Variants in HMCN1 observed in about 807,000 individuals in gnomAD.
HMCN1 encodes the protein hemicentin 1.
A neutral mutation model predicts 625.9 loss-of-function variants in HMCN1; 321 were observed. The observed-to-expected ratio is 0.51, with a 90% CI of 0.47 to 0.56. The LOEUF is 0.56. Ranked by LOEUF, HMCN1 falls within the 20% of genes least tolerant of loss-of-function variation. The probability of loss-of-function intolerance (pLI) is 0.00; values close to 1 mark genes in which losing one functional copy is unlikely to be tolerated. For synonymous variants in HMCN1, 2,425 were observed against 2,417.6 expected (o/e 1.00, Z -0.09); for missense variants, 6,588 against 6,887.3 (o/e 0.96, Z 1.54).
rs1461444446 is a variant in HMCN1, at chr1:186,055,540, A to G, written c.7010A>G (p.Lys2337Arg). ...MKDGHPLIKA[K>R]GVEILDEGHI... ...GATGGCCACCCCTTGATCAAGGCAA[A>G]GGGAGTAGAAATACTGGATGAAGGT... The change falls in exon 45 of 107, where the codon AAG (lysine) becomes AGG (arginine). Residue 2337 changes from lysine (K) to arginine (R), a missense_variant. Around this residue, in one of 3 missense-constraint regions of HMCN1, gnomAD observed 4,628 missense variants for 4,853.1 expected, o/e 0.95. Transcript: ENST00000271588. 6.2e-7 allele frequency: 1 copy of G among 1,612,910 alleles called. No individual in the cohort carries two copies. The highest frequency in any genetic ancestry group is 8.5e-7 in the Non-Finnish European group (1 of 1,179,256).
chr1:185,774,647 A>G (rs990738183), intron 1 of HMCN1, among the ~76,000 whole-genome samples: 5 of 152,168 alleles, frequency 3.3e-5, no homozygotes, highest in Non-Finnish European at 7.4e-5. Context: ...CCCCCGTGGA[A>G]TGCACAGCGA....
intron 105 of HMCN1, among the ~76,000 whole-genome samples, chr1:186,186,546 A>G (rs866832314): frequency 6.6e-6 from 1 of 152,156 alleles, no homozygotes; most frequent in Non-Finnish European, 1.5e-5. Context: ...AATAAAATAG[A>G]GAGCTAAGAC....
chr1:186,174,390 G>T, intron 102 of HMCN1, 124 bp from the exon 103 acceptor site: 3 of 1,098,530 alleles, frequency 2.7e-6, no homozygotes, highest in Non-Finnish European at 2.8e-6. Context: ...TTGTAAGCTG[G>T]TATGATCTCA....
At chr1:185,949,283 A>C (rs972654075) in intron 11 of HMCN1, among the ~76,000 whole-genome samples, 3 of 151,784 alleles carry the variant, frequency 2.0e-5, no homozygotes, top group African/African-American at 7.3e-5. Flanking sequence ...ACTAGACAGA[A>C]GATAGTAGGG....
chr1:186,035,230 T>C (rs1482074433), intron 36 of HMCN1, among the ~76,000 whole-genome samples: 1 of 152,104 alleles, frequency 6.6e-6, no homozygotes, highest in African/African-American at 2.4e-5. Flanking sequence ...ACAGGTAGGG[T>C]TAATACATGG....
intron 29 of HMCN1, among the ~76,000 whole-genome samples, chr1:186,005,126 CAATTTTTTAATTGTTTATAAAT>C (rs1653476095): frequency 5.3e-4 from 77 of 146,578 alleles, no homozygotes; most frequent in African/African-American, 1.9e-3. Context: ...TGTTTATAAA[CAATTTTTTAATTGTTTATAAAT>C]GTTTATAAAC....
intron 1 of HMCN1, among the ~76,000 whole-genome samples, chr1:185,804,521 A>G (rs958416353): frequency 1.2e-4 from 18 of 152,210 alleles, no homozygotes; most frequent in Non-Finnish European, 2.5e-4. Flanking sequence ...AGGATTGATC[A>G]TGGAATCCCA....
chr1:185,938,748 C>A (rs1016501099), intron 11 of HMCN1, among the ~76,000 whole-genome samples: 1 of 152,050 alleles, frequency 6.6e-6, no homozygotes, highest in South Asian at 2.1e-4. Context: ...GTGTTCTCAG[C>A]GGTCTAGCCA....
intron 5 of HMCN1, among the ~76,000 whole-genome samples, chr1:185,910,562 T>C (rs1373239684): frequency 6.6e-6 from 1 of 150,664 alleles, no homozygotes. Flanking sequence ...AACTTATTTC[T>C]TTCTTCCTTC....
In HMCN1 at chr1:185,997,457, T is replaced by G; in HGVS notation, c.3807T>G (p.Pro1269=). 1 of 1,612,160 alleles carries G rather than the reference T, an allele frequency of 6.2e-7. No homozygotes were observed. Among genetic ancestry groups the G allele is most frequent in the East Asian group, 2.2e-5 (1 of 44,802 alleles). Residue 1269 remains proline, a synonymous_variant, in exon 25 of 107, where the codon CCT becomes CCG. Transcript: ENST00000271588. ...QEPPTVEDLE[P]PYNTTFQERV... ...CACCCACAGTGGAAGATCTAGAACC[T>G]CCATATAACACTACTTTCCAAGAAA...
At position 186,070,727 on chromosome 1, in the gene HMCN1, T is replaced by C. The variant is rs1304340752; in HGVS notation, c.8109T>C (p.Ser2703=). The change falls in exon 52 of 107, where the codon TCT becomes TCC. Residue 2703 remains serine, a synonymous_variant. Coordinates refer to ENST00000271588, the MANE Select transcript of HMCN1 (RefSeq NM_031935.3). ...TLECEAYAIP[S]ASLSWYKDGQ... Reference sequence around the variant, plus strand: ...AATGTGAAGCGTATGCAATTCCTTCTGCCTCCCTCAGCTGGTACAAGGATG... The same window carrying C: ...AATGTGAAGCGTATGCAATTCCTTCCGCCTCCCTCAGCTGGTACAAGGATG... 2.5e-6 allele frequency: 4 copies of C among 1,613,930 alleles called. 1 individual carries two copies. In the South Asian group the frequency reaches 4.4e-5, roughly 18 times the overall value.
chr1:185,972,804 C>T (rs558944935), intron 15 of HMCN1, among the ~76,000 whole-genome samples: 1 of 152,228 alleles, frequency 6.6e-6, no homozygotes, highest in South Asian at 2.1e-4. Flanking sequence ...CTGGTATTCT[C>T]ATTTGCCTTG....
intron 79 of HMCN1, 41 bp from the exon 80 acceptor site, chr1:186,119,970 C>CT (rs373891232): frequency 1.6e-4 from 256 of 1,557,524 alleles, no homozygotes; most frequent in Non-Finnish European, 1.9e-4. Context: ...AATGAACAGG[C>CT]TTTTTTTTTT....
chr1:185,813,675 A>G (rs1467984357), intron 1 of HMCN1, among the ~76,000 whole-genome samples: 1 of 152,188 alleles, frequency 6.6e-6, no homozygotes, highest in African/African-American at 2.4e-5. Flanking sequence ...GGAATTTTAC[A>G]TATCGTGGTA....
intron 4 of HMCN1, among the ~76,000 whole-genome samples, chr1:185,891,887 A>G (rs929774003): frequency 1.4e-5 from 2 of 147,834 alleles, no homozygotes; most frequent in East Asian, 1.9e-4. Flanking sequence ...ATTCTCCAGG[A>G]TAATACCCTG....
chr1:185,754,118 A>G (rs755498840), intron 1 of HMCN1, among the ~76,000 whole-genome samples: 12 of 152,228 alleles, frequency 7.9e-5, no homozygotes, highest in Non-Finnish European at 1.5e-4. Context: ...CATTCATGAC[A>G]ACATAGATGA....
At chr1:185,979,725 T>C (rs1447986345) in intron 16 of HMCN1, among the ~76,000 whole-genome samples, 1 of 152,232 alleles carries the variant, frequency 6.6e-6, no homozygotes, top group Admixed American at 6.5e-5. Flanking sequence ...TACAATTAGA[T>C]GCATATGGTT....
At chr1:185,737,909 G>A (rs1437287478) in intron 1 of HMCN1, among the ~76,000 whole-genome samples, 1 of 152,188 alleles carries the variant, frequency 6.6e-6, no homozygotes, top group Non-Finnish European at 1.5e-5. Flanking sequence ...GAACACATAG[G>A]TAGTGGAGGC....
chr1:186,122,929 TTATATTTTTTG>T lies in HMCN1; in HGVS notation c.12230-13_12230-3del. ...ATGCTTCTAAGATAAAGTTTGAACT[TTATATTTTTTG>T]TATATTTTAGTTCCTCCAGTCATTA... On this transcript the variant is annotated splice_polypyrimidine_tract_variant and intron_variant, in intron 80 of 106. Coordinates refer to ENST00000271588, the MANE Select transcript of HMCN1 (RefSeq NM_031935.3). 1 of 1,611,328 alleles carries T rather than the reference TTATATTTTTTG, an allele frequency of 6.2e-7. No homozygotes were observed. Among genetic ancestry groups the T allele is most frequent in the Admixed American group, 1.7e-5 (1 of 60,002 alleles).
Sources: gnomAD v4.1 joint callset for allele counts (sites outside exome capture counted in the v4.1 genomes callset) on GRCh38, gnomAD v4.1.1 for gene constraint, gnomAD v4.1.1 regional missense constraint, MANE v1.5 for transcripts, NCBI Gene and HGNC (gene_info 2026-07-23, HGNC 2026-07-21) for gene names.